TGFBR2: variants seen among roughly 807,000 people sequenced by gnomAD.
TGFBR2 encodes the protein TGF-beta receptor type-2.
TGFBR2 carries 18 observed loss-of-function variants against 49.0 expected under a neutral mutation model. The observed-to-expected ratio is 0.37, with a 90% CI of 0.25 to 0.54. TGFBR2 has a LOEUF of 0.54. Ranked by LOEUF, TGFBR2 falls within the 20% of genes least tolerant of loss-of-function variation. The pLI, the probability that TGFBR2 is intolerant of heterozygous loss-of-function variation, is 0.85. For synonymous variants in TGFBR2, 282 were observed against 275.9 expected, an observed-to-expected ratio of 1.02 and a Z score of -0.22; for missense variants, 525 against 722.6, an observed-to-expected ratio of 0.73 and a Z score of 3.13.
chr3:30,669,121 C>CAAAAAAAAAAAAAAAAAAAAA (rs56069409), intron 3 of TGFBR2, among the ~76,000 whole-genome samples: 1 of 83,464 alleles, frequency 1.2e-5, no homozygotes, highest in African/African-American at 5.5e-5. Flanking sequence ...ACTAAAAATA[C>CAAAAAAAAAAAAAAAAAAAAA]AAAAAAAAAA....
intron 6 of TGFBR2, among the ~76,000 whole-genome samples, chr3:30,689,440 A>G (rs952865290): frequency 6.6e-6 from 1 of 152,210 alleles, no homozygotes; most frequent in Admixed American, 6.5e-5. Context: ...TCCCTCAACC[A>G]TGAAGGCCGA....
rs1295862965 is a variant in TGFBR2 at position 30,607,824 on chromosome 3, TAA to T, written c.94+849_94+850del. 1.5e-4 allele frequency among the ~76,000 whole-genome samples: 20 copies of T among 135,668 alleles called. No homozygotes were observed. In the East Asian group the frequency reaches 1.8e-3, roughly 12 times the overall value. The allele number at this position is 135,668 out of a possible 152,430, so 89.0% of individuals were successfully genotyped here. ...AATATATATATATATTATATATATATAAATATATATATAATTATATATATAAA... is the reference window on the plus strand; with the variant it reads ...AATATATATATATATTATATATATATATATATATATAATTATATATATAAA... On this transcript the variant is annotated intron_variant, in intron 1 of 6. Transcript: ENST00000295754.
intron 2 of TGFBR2, among the ~76,000 whole-genome samples, chr3:30,646,532 G>A (rs76979554): frequency 0.023 from 3,571 of 152,240 alleles, 101 homozygotes; most frequent in South Asian, 0.15. Context: ...GCATAACTCT[G>A]AAGGGTAGAG....
chr3:30,660,355 A>T (rs1213695698), intron 3 of TGFBR2, among the ~76,000 whole-genome samples: 2 of 152,144 alleles, frequency 1.3e-5, no homozygotes, highest in Non-Finnish European at 1.5e-5. Context: ...GTAGCTTTAA[A>T]AACTACTCAT....
Position 30,691,575 on chromosome 3 carries a change from C to G in TGFBR2, c.1680C>G (p.Asp560Glu), listed in dbSNP as rs376815143. ...GCTCGGAGGAGAAGATTCCTGAAGACGGCTCCCTAAACACTACCAAATAGC... is the reference window on the plus strand; with the variant it reads ...GCTCGGAGGAGAAGATTCCTGAAGAGGGCTCCCTAAACACTACCAAATAGC... ...RSCSEEKIPE[D>E]GSLNTTK is the part of the protein sequence containing the mutation. Residue 560 changes from aspartate (D) to glutamate (E), a missense_variant, in exon 7 of 7, where the codon GAC (aspartate) becomes GAG (glutamate). Transcript: ENST00000295754. 5.0e-6 allele frequency: 8 copies of G among 1,613,958 alleles called. No homozygotes were observed. The highest frequency in any genetic ancestry group is 6.8e-6 in the Non-Finnish European group (8 of 1,179,990).
intron 1 of TGFBR2, among the ~76,000 whole-genome samples, chr3:30,616,419 C>T (rs1272704953): frequency 2.6e-5 from 4 of 152,160 alleles, no homozygotes; most frequent in African/African-American, 4.8e-5. Flanking sequence ...TGAAAGATAA[C>T]CTAGCTCTGA....
intron 3 of TGFBR2, among the ~76,000 whole-genome samples, chr3:30,669,119 TACA>T (rs1699293622): frequency 3.6e-4 from 2 of 5,576 alleles, no homozygotes; most frequent in Admixed American, 2.8e-3. Flanking sequence ...CCACTAAAAA[TACA>T]AAAAAAAAAA....
intron 1 of TGFBR2, among the ~76,000 whole-genome samples, chr3:30,641,883 C>G (rs1054105112): frequency 6.6e-6 from 1 of 152,030 alleles, no homozygotes; most frequent in African/African-American, 2.4e-5. Context: ...TCTCCTCCCC[C>G]TCCCTCCTTG....
intron 6 of TGFBR2, 136 bp downstream of exon 6, chr3:30,688,647 T>A (rs1699663975): frequency 1.6e-6 from 2 of 1,286,020 alleles, no homozygotes; most frequent in Non-Finnish European, 2.2e-6. Context: ...ATTTTGTTTA[T>A]AAAGCAAATT....
intron 6 of TGFBR2, among the ~76,000 whole-genome samples, chr3:30,691,146 A>G (rs1421845450): frequency 1.3e-5 from 2 of 152,198 alleles, no homozygotes; most frequent in Non-Finnish European, 2.9e-5. Flanking sequence ...GCAGAGGATC[A>G]TTGTGCTGTC....
At chr3:30,648,488 G>C (rs930496462) in intron 2 of TGFBR2, among the ~76,000 whole-genome samples, 4 of 150,270 alleles carry the variant, frequency 2.7e-5, no homozygotes, top group African/African-American at 9.8e-5. Flanking sequence ...GGAGGAAGGT[G>C]TTCTTGTTCC....
intron 5 of TGFBR2, among the ~76,000 whole-genome samples, chr3:30,674,824 T>C (rs1699406744): frequency 6.6e-6 from 1 of 152,094 alleles, no homozygotes; most frequent in East Asian, 1.9e-4. Flanking sequence ...CCTACTTTTC[T>C]CCTGAAAAGC....
chr3:30,645,538 T>C (rs11917266), intron 2 of TGFBR2, among the ~76,000 whole-genome samples: 49,349 of 146,772 alleles, frequency 0.34, 8,712 homozygotes, highest in East Asian at 0.68. Flanking sequence ...CAGGCTAGAG[T>C]GCCATGGCAC....
Position 30,691,923 on chromosome 3 carries a change from ATATATC to A in TGFBR2, c.*330_*335del. 1 of 230,016 alleles carries A rather than the reference ATATATC, an allele frequency of 4.3e-6. No homozygotes were observed. Among genetic ancestry groups the A allele is most frequent in the Non-Finnish European group, 8.6e-6 (1 of 116,650 alleles). The allele number at this position is 230,016 out of a possible 1,614,324, so 14.2% of individuals were successfully genotyped here. On this transcript the variant is annotated 3_prime_UTR_variant, in exon 7 of 7. Transcript: ENST00000295754. Reference sequence around the variant, plus strand: ...ATAGCTATGTTTTATATATATATATATATATCTATATATGTCTATAGCTCTATATAT... The same window carrying A: ...ATAGCTATGTTTTATATATATATATATATATATGTCTATAGCTCTATATAT...
At chr3:30,664,388 A>G (rs1015495847) in intron 3 of TGFBR2, among the ~76,000 whole-genome samples, 1 of 152,184 alleles carries the variant, frequency 6.6e-6, no homozygotes, top group Non-Finnish European at 1.5e-5. Context: ...AATAATTCTG[A>G]AAATTTCCAG....
chr3:30,614,440 A>G (rs930552341), intron 1 of TGFBR2, among the ~76,000 whole-genome samples: 1 of 152,170 alleles, frequency 6.6e-6, no homozygotes, highest in African/African-American at 2.4e-5. Flanking sequence ...GCAGCTCTTT[A>G]TTAAAGTATA....
intron 5 of TGFBR2, among the ~76,000 whole-genome samples, chr3:30,675,204 C>T (rs998169481): frequency 6.6e-6 from 1 of 152,106 alleles, no homozygotes; most frequent in Non-Finnish European, 1.5e-5. Flanking sequence ...CATGCTTGTC[C>T]AATGAAAGCA....
At chr3:30,621,202 A>T (rs537490056) in intron 1 of TGFBR2, among the ~76,000 whole-genome samples, 90 of 152,184 alleles carry the variant, frequency 5.9e-4, no homozygotes, top group African/African-American at 2.0e-3. Context: ...ACATCACATT[A>T]CATAGATTTG....
chr3:30,663,460 T>G (rs1699183874), intron 3 of TGFBR2, among the ~76,000 whole-genome samples: 1 of 152,232 alleles, frequency 6.6e-6, no homozygotes, highest in Admixed American at 6.5e-5. Flanking sequence ...GATGATTTGA[T>G]TAATTCAGAT....
Sources: gnomAD v4.1 joint callset for allele counts (sites outside exome capture counted in the v4.1 genomes callset) on GRCh38, gnomAD v4.1.1 for gene constraint, MANE v1.5 for transcripts, NCBI Gene and HGNC (gene_info 2026-07-23, HGNC 2026-07-21) for gene names.